Variants in BMP7 observed in about 807,000 individuals in gnomAD.
The protein encoded by BMP7 is bone morphogenetic protein 7.
BMP7 carries 12 observed loss-of-function variants against 41.2 expected under a neutral mutation model. The observed-to-expected ratio is 0.29, with a 90% CI of 0.19 to 0.47. The LOEUF (loss-of-function observed/expected upper bound fraction) is 0.47. Ranked by LOEUF, BMP7 falls within the 20% of genes least tolerant of loss-of-function variation. The pLI, the probability that BMP7 is intolerant of heterozygous loss-of-function variation, is 0.99. For synonymous variants in BMP7, 248 were observed against 250.0 expected, an observed-to-expected ratio of 0.99 and a Z score of 0.07; for missense variants, 467 against 606.0, an observed-to-expected ratio of 0.77 and a Z score of 2.41.
At chr20:57,211,125 C>T (rs542801833) in intron 2 of BMP7, among the ~76,000 whole-genome samples, 8 of 152,328 alleles carry the variant, frequency 5.3e-5, no homozygotes, top group African/African-American at 1.7e-4. Flanking sequence ...CCTGACACCT[C>T]GTACTGGGCA....
At position 57,211,761 on chromosome 20, in the gene BMP7, GCT is replaced by G. The variant is rs958373162; in HGVS notation, c.612-9140_612-9139del. Among the ~76,000 whole-genome samples, 5 of 152,268 alleles carry G rather than the reference GCT, an allele frequency of 3.3e-5. No homozygotes were observed. In the East Asian group the frequency reaches 7.7e-4, roughly 23 times the overall value. On this transcript the variant is annotated intron_variant, in intron 2 of 6. Transcript: ENST00000395863. Reference sequence around the variant, plus strand: ...TGGGAACCTTGAGCCAAGAAAGGGGGCTCTGTCTCCTAGAAGCCAGAAACAAC... The same window carrying G: ...TGGGAACCTTGAGCCAAGAAAGGGGGCTGTCTCCTAGAAGCCAGAAACAAC...
intron 2 of BMP7, among the ~76,000 whole-genome samples, chr20:57,216,552 G>A (rs2123105668): frequency 8.5e-6 from 1 of 117,358 alleles, no homozygotes. Context: ...CTGAGGGCGA[G>A]GGGCTGTCTC....
chr20:57,250,236 G>C (rs1451797307), intron 1 of BMP7, among the ~76,000 whole-genome samples: 2 of 150,960 alleles, frequency 1.3e-5, no homozygotes, highest in African/African-American at 2.4e-5. Flanking sequence ...TTCAAGACCA[G>C]TCTAGGCAAC....
chr20:57,207,989 C>T (rs996198342), intron 2 of BMP7, among the ~76,000 whole-genome samples: 6 of 151,632 alleles, frequency 4.0e-5, no homozygotes, highest in Non-Finnish European at 8.8e-5. Flanking sequence ...GCCACCGCGC[C>T]CGGCTAATTT....
chr20:57,188,516 T>A (rs1484827141), intron 3 of BMP7, among the ~76,000 whole-genome samples: 1 of 142,018 alleles, frequency 7.0e-6, no homozygotes, highest in East Asian at 2.0e-4. Context: ...AATCAGACAA[T>A]GGGATGGCTG....
intron 4 of BMP7, among the ~76,000 whole-genome samples, chr20:57,176,959 C>T (rs1045016378): frequency 3.9e-5 from 6 of 152,148 alleles, no homozygotes; most frequent in Non-Finnish European, 7.4e-5. Context: ...AGAAGGACAT[C>T]GCCGAACTCC....
At chr20:57,204,817 C>T (rs556002770) in intron 2 of BMP7, among the ~76,000 whole-genome samples, 3 of 152,224 alleles carry the variant, frequency 2.0e-5, no homozygotes, top group Non-Finnish European at 4.4e-5. Context: ...GAACCTGATT[C>T]AGAAAATGCT....
Position 57,259,965 on chromosome 20 carries a change from G to A in BMP7, c.418+5740C>T, listed in dbSNP as rs760766901. 2.0e-4 allele frequency among the ~76,000 whole-genome samples: 31 copies of A among 152,004 alleles called. No individual in the cohort carries two copies. Among genetic ancestry groups the A allele is most frequent in the Non-Finnish European group, 3.7e-4 (25 of 68,016 alleles). The stretch of plus-strand genomic sequence containing the variant: ...TCAGATGCCATTTGCTGCAAAACCC[G>A]GAATTCAATCCCAGCTTGAACACAC... On this transcript the variant is annotated intron_variant, in intron 1 of 6. Coordinates refer to ENST00000395863, the MANE Select transcript of BMP7 (RefSeq NM_001719.3). The surrounding 1 kb of genome is among the most constrained non-coding windows in gnomAD (Gnocchi z 4.7).
intron 1 of BMP7, among the ~76,000 whole-genome samples, chr20:57,235,623 C>T (rs1054846712): frequency 1.3e-5 from 2 of 152,322 alleles, no homozygotes. Flanking sequence ...CGGAGGCCCA[C>T]TAGTCCCAGA....
chr20:57,192,000 T>C (rs1258693177), intron 3 of BMP7, among the ~76,000 whole-genome samples: 1 of 126,190 alleles, frequency 7.9e-6, no homozygotes, highest in African/African-American at 3.2e-5. Context: ...TATTATTGTA[T>C]ATGTAATATA....
In BMP7 at chr20:57,228,402, G is replaced by A. The variant is rs995015438; in HGVS notation, c.438C>T (p.Phe146=). ...CTCGATGGTGGTAGCGTGGGTGGAA[G>A]AATTCCTTGTCATGTTCCACTGGAA... The part of the protein sequence containing the change: ...FVNLVEHDKE[F]FHPRYHHREF... Residue 146 remains phenylalanine (F), a synonymous_variant, in exon 2 of 7, where the codon TTC becomes TTT. Coordinates refer to ENST00000395863, the MANE Select transcript of BMP7 (RefSeq NM_001719.3). The surrounding 1 kb of genome is among the most constrained non-coding windows in gnomAD (Gnocchi z 4.5). The A allele has an allele frequency of 6.2e-7, 1 of 1,614,162 alleles. No individual in the cohort carries two copies. Among genetic ancestry groups the A allele is most frequent in the South Asian group, 1.1e-5 (1 of 91,060 alleles).
Position 57,177,217 on chromosome 20 carries a change from GAGGA to G in BMP7, c.959-2214_959-2211del, listed in dbSNP as rs1239675974. Among the ~76,000 whole-genome samples, 5 of 152,352 alleles carry G rather than the reference GAGGA, an allele frequency of 3.3e-5. No homozygotes were observed. In the East Asian group the frequency reaches 9.6e-4, roughly 29 times the overall value. On this transcript the variant is annotated intron_variant, in intron 4 of 6. Coordinates refer to ENST00000395863, the MANE Select transcript of BMP7 (RefSeq NM_001719.3). ...AGAAAGGAGAAAGAAGAGGGTTGAG[GAGGA>G]AGGAGGCAGGAGAGAGGAGAACAGC...
At chr20:57,206,770 T>C (rs560763329) in intron 2 of BMP7, among the ~76,000 whole-genome samples, 4 of 152,320 alleles carry the variant, frequency 2.6e-5, no homozygotes, top group Admixed American at 2.0e-4. Flanking sequence ...TGGAAGAGCA[T>C]CTATACTTAT....
chr20:57,210,667 G>T (rs1282082683), intron 2 of BMP7, among the ~76,000 whole-genome samples: 1 of 152,216 alleles, frequency 6.6e-6, no homozygotes, highest in African/African-American at 2.4e-5. Context: ...CCAGGCACGC[G>T]TTGGAGCCAC....
chr20:57,242,260 C>T (rs1221012202), intron 1 of BMP7, among the ~76,000 whole-genome samples: 2 of 152,166 alleles, frequency 1.3e-5, no homozygotes, highest in South Asian at 2.1e-4. Flanking sequence ...AGACCAGGGA[C>T]ACCGCTAAAC....
rs115489219 is a variant in BMP7, at chr20:57,179,164, A to C, written c.959-4157T>G. ...GCTCTTTGATCACGGCTGTCCCAGC[A>C]GAAAGTGGCCGGAGCTCCTGTGTAT... On this transcript the variant is annotated intron_variant, in intron 4 of 6. Coordinates refer to ENST00000395863, the MANE Select transcript of BMP7 (RefSeq NM_001719.3). 1.2e-3 allele frequency among the ~76,000 whole-genome samples: 187 copies of C among 152,326 alleles called. 4 individuals carry two copies. Among genetic ancestry groups the C allele is most frequent in the Middle Eastern group, 6.8e-3 (2 of 294 alleles).
chr20:57,221,113 C>T (rs192892974), intron 2 of BMP7, among the ~76,000 whole-genome samples: 119 of 152,264 alleles, frequency 7.8e-4, no homozygotes, highest in Admixed American at 5.9e-4. Context: ...GTGAGCAAAA[C>T]GAACAAAACT....
chr20:57,230,004 G>A (rs2066022898), intron 1 of BMP7, among the ~76,000 whole-genome samples: 2 of 152,236 alleles, frequency 1.3e-5, no homozygotes, highest in Non-Finnish European at 1.5e-5. Context: ...TGAAGTCCCT[G>A]AGGCTGGGGT....
At chr20:57,250,594 C>T in intron 1 of BMP7, among the ~76,000 whole-genome samples, 1 of 144,568 alleles carries the variant, frequency 6.9e-6, no homozygotes. Context: ...GTGAGGGAAA[C>T]ACAGAAATGC....
Sources: allele counts gnomAD v4.1 joint callset (sites outside exome capture counted in the v4.1 genomes callset), GRCh38; gene constraint gnomAD v4.1.1; non-coding constraint Gnocchi (gnomAD v3.1); transcripts MANE v1.5; gene names NCBI Gene and HGNC (gene_info 2026-07-23, HGNC 2026-07-21).